The following ZNF292 variants were observed in gnomAD, a reference collection of about 807,000 sequenced individuals.
The protein encoded by ZNF292 is zinc finger protein 292, also known as 16 zinc-finger domain protein.
ZNF292 carries 26 observed loss-of-function variants against 217.9 expected under a neutral mutation model. That is an observed-to-expected ratio of 0.12 (90% CI 0.09 to 0.17). ZNF292 has a LOEUF of 0.17. Among genes scored for constraint, ZNF292 ranks in the 10% least tolerant of loss-of-function variants. ZNF292 has a pLI of 1.00. For missense variants in ZNF292, 2,904 were observed against 3,175.2 expected, an observed-to-expected ratio of 0.91 and a Z score of 2.05; for synonymous variants, 1,257 against 1,124.1, an observed-to-expected ratio of 1.12 and a Z score of -2.37.
At chr6:87,207,698 T>A (rs544607539) in intron 1 of ZNF292, among the ~76,000 whole-genome samples, 1 of 152,330 alleles carries the variant, frequency 6.6e-6, no homozygotes, top group Non-Finnish European at 1.5e-5. Context: ...TTTTCTTAGC[T>A]TAATTTTCTG....
chr6:87,178,064 G>T (rs1771358366), intron 1 of ZNF292, among the ~76,000 whole-genome samples: 1 of 151,718 alleles, frequency 6.6e-6, no homozygotes. Flanking sequence ...TATTGACTTG[G>T]TTTCACCACA....
intron 1 of ZNF292, among the ~76,000 whole-genome samples, chr6:87,197,474 C>T (rs1277290328): frequency 6.7e-6 from 1 of 150,340 alleles, no homozygotes; most frequent in Non-Finnish European, 1.5e-5. Flanking sequence ...GTAGCTCACA[C>T]CTGTAATCCC....
intron 4 of ZNF292, among the ~76,000 whole-genome samples, chr6:87,219,689 C>T (rs1250025139): frequency 6.6e-6 from 1 of 152,194 alleles, no homozygotes; most frequent in Admixed American, 6.5e-5. Flanking sequence ...CTTGATCGTT[C>T]TAGCAGTGTA....
intron 1 of ZNF292, among the ~76,000 whole-genome samples, chr6:87,156,048 G>A (rs545031763): frequency 6.6e-6 from 1 of 152,392 alleles, no homozygotes; most frequent in South Asian, 2.1e-4. Context: ...CTGAGGAAAT[G>A]TACACGGTGC....
At chr6:87,190,076 T>G (rs575533008) in intron 1 of ZNF292, among the ~76,000 whole-genome samples, 3 of 152,202 alleles carry the variant, frequency 2.0e-5, no homozygotes, top group Non-Finnish European at 4.4e-5. Context: ...TATGTCCCTT[T>G]GATATATTCC....
chr6:87,228,645 T>C (rs6926831), intron 4 of ZNF292, among the ~76,000 whole-genome samples: 95,897 of 152,066 alleles, frequency 0.63, 31,821 homozygotes, highest in African/African-American at 0.85. Flanking sequence ...TCTTTTGCAT[T>C]TAGGTATCTA....
chr6:87,188,154 C>T (rs1771718834), intron 1 of ZNF292, among the ~76,000 whole-genome samples: 1 of 152,162 alleles, frequency 6.6e-6, no homozygotes, highest in Non-Finnish European at 1.5e-5. Context: ...TCTAGTTTGC[C>T]AGTTGTACAT....
intron 1 of ZNF292, among the ~76,000 whole-genome samples, chr6:87,199,067 A>C (rs1415352050): frequency 6.6e-6 from 1 of 152,216 alleles, no homozygotes; most frequent in African/African-American, 2.4e-5. Flanking sequence ...ATTTATGTTT[A>C]ACTTTTTAAG....
Position 87,264,502 on chromosome 6 carries a change from C to T in ZNF292, c.*2701C>T, listed in dbSNP as rs758747093. 2.6e-5 allele frequency among the ~76,000 whole-genome samples: 4 copies of T among 152,104 alleles called. No individual in the cohort carries two copies. Among genetic ancestry groups the T allele is most frequent in the Non-Finnish European group, 5.9e-5 (4 of 68,024 alleles). On this transcript the variant is annotated 3_prime_UTR_variant, in exon 8 of 8. Coordinates refer to ENST00000369577, the MANE Select transcript of ZNF292 (RefSeq NM_015021.3). ...AATATGAAAGTACAATAATACTATACCTAGGGACATCAGAAAGAATGCCCT... is the reference window on the plus strand; with the variant it reads ...AATATGAAAGTACAATAATACTATATCTAGGGACATCAGAAAGAATGCCCT...
At chr6:87,212,151 A>T (rs1312374508) in intron 1 of ZNF292, among the ~76,000 whole-genome samples, 1 of 152,184 alleles carries the variant, frequency 6.6e-6, no homozygotes, top group Non-Finnish European at 1.5e-5. Flanking sequence ...ACAAGGTATT[A>T]TAAAGGATAC....
rs544200132 is a variant in ZNF292, at chr6:87,260,784, G to A, written c.7155G>A (p.Gln2385=). 3.1e-6 allele frequency: 5 copies of A among 1,613,268 alleles called. No individual in the cohort carries two copies. Among genetic ancestry groups the A allele is most frequent in the African/African-American group, 1.3e-5 (1 of 75,008 alleles). ...AGTGTACAAGCAGATTTGTAACCCA[G>A]TATCCATGTATGATAAAGGGATGTA... ...LSECTSRFVT[Q]YPCMIKGCTS... is the part of the protein sequence containing the mutation. Residue 2385 remains glutamine, a synonymous_variant, in exon 8 of 8, where the codon CAG becomes CAA. Coordinates refer to ENST00000369577, the MANE Select transcript of ZNF292 (RefSeq NM_015021.3).
chr6:87,163,232 A>T (rs992363939), intron 1 of ZNF292, among the ~76,000 whole-genome samples: 1 of 152,204 alleles, frequency 6.6e-6, no homozygotes, highest in African/African-American at 2.4e-5. Flanking sequence ...CGGGCAGATC[A>T]TGAAGTCAGG....
At position 87,257,101 on chromosome 6, in the gene ZNF292, C is replaced by A. The variant is rs776848113; in HGVS notation, c.3472C>A (p.Pro1158Thr). 1.2e-6 allele frequency: 2 copies of A among 1,613,748 alleles called. No homozygotes were observed. Among genetic ancestry groups the A allele is most frequent in the Non-Finnish European group, 1.7e-6 (2 of 1,179,800 alleles). Residue 1158 changes from proline to threonine, a missense_variant, in exon 8 of 8, where the codon CCA (proline) becomes ACA (threonine). By Grantham distance (38) the Pro-to-Thr change is conservative (BLOSUM62 -1). Around this residue, in one of 15 missense-constraint regions of ZNF292, gnomAD observed 687 missense variants for 623.0 expected, o/e 1.10. Transcript: ENST00000369577. Reference protein sequence around the residue: ...PNNGKFVYFLPSPVNSSNPFF... With the variant: ...PNNGKFVYFLTSPVNSSNPFF... ...TAATGGAAAGTTTGTTTATTTTTTG[C>A]CATCACCGGTGAACAGCTCAAATCC... is the stretch of plus-strand genomic sequence containing the variant.
intron 4 of ZNF292, 73 bp downstream of exon 4, chr6:87,218,804 A>G (rs995177631): frequency 2.4e-5 from 34 of 1,442,158 alleles, no homozygotes; most frequent in Non-Finnish European, 1.4e-5. Context: ...TTGTTTTGAT[A>G]TAATTTATCT....
rs540136751 is a variant in ZNF292, at chr6:87,232,291, A to AG, written c.539-1031dup. Among the ~76,000 whole-genome samples the AG allele has an allele frequency of 3.5e-4, 53 of 152,220 alleles. 2 individuals carry two copies. The South Asian group carries it at 9.9e-3, about 29-fold the overall frequency. Reference sequence around the variant, plus strand: ...TTAGATCTAAAAATGAAAGTACTAGAGGGAAACAAAGGATATTACAAGAAG... The same window carrying AG: ...TTAGATCTAAAAATGAAAGTACTAGAGGGGAAACAAAGGATATTACAAGAAG... On this transcript the variant is annotated intron_variant, in intron 4 of 7. Transcript: ENST00000369577.
Position 87,256,206 on chromosome 6 carries a change from G to C in ZNF292, c.2577G>C (p.Gln859His), listed in dbSNP as rs757456074. 5 of 1,613,718 alleles carry C rather than the reference G, an allele frequency of 3.1e-6. No homozygotes were observed. Among genetic ancestry groups the C allele is most frequent in the East Asian group, 4.5e-5 (2 of 44,892 alleles). The change falls in exon 8 of 8, where the codon CAG becomes CAC. Residue 859 changes from glutamine (Q) to histidine (H), a missense_variant. By Grantham distance (24) the Gln-to-His change is conservative. Coordinates refer to ENST00000369577, the MANE Select transcript of ZNF292 (RefSeq NM_015021.3). ...GDSIQPSEVNQNTAENIEKER... is the reference protein window; with the variant it reads ...GDSIQPSEVNHNTAENIEKER... ...CCATTCAGCCTTCTGAAGTGAATCA[G>C]AACACAGCAGAGAATATTGAGAAAG...
At chr6:87,250,055 G>T (rs921416805) in intron 7 of ZNF292, among the ~76,000 whole-genome samples, 10 of 145,366 alleles carry the variant, frequency 6.9e-5, no homozygotes, top group African/African-American at 2.3e-4. Flanking sequence ...AAAACTCCAG[G>T]AATTGAAGAC....
intron 1 of ZNF292, among the ~76,000 whole-genome samples, chr6:87,207,095 A>G (rs1772279648): frequency 6.6e-6 from 1 of 152,192 alleles, no homozygotes; most frequent in Non-Finnish European, 1.5e-5. Flanking sequence ...TACATCTTTG[A>G]TTTGCGTGCG....
intron 7 of ZNF292, among the ~76,000 whole-genome samples, chr6:87,252,257 T>C (rs1774959243): frequency 6.6e-6 from 1 of 151,992 alleles, no homozygotes; most frequent in Admixed American, 6.5e-5. Flanking sequence ...GTTCAAGTGA[T>C]TCTCCTGCCT....
Sources: allele counts gnomAD v4.1 joint callset (sites outside exome capture counted in the v4.1 genomes callset), GRCh38; gene constraint gnomAD v4.1.1; regional missense constraint gnomAD v4.1.1; transcripts MANE v1.5; gene names NCBI Gene and HGNC (gene_info 2026-07-23, HGNC 2026-07-21).